Variants in STK3 observed in about 807,000 individuals in gnomAD.
STK3 encodes the protein serine/threonine-protein kinase 3.
STK3 carries 41 observed loss-of-function variants against 58.0 expected under a neutral mutation model. The ratio of observed to expected loss-of-function variants is 0.71; its 90% confidence interval spans 0.55 to 0.92. The LOEUF is 0.92. STK3 is among the 40% of genes least tolerant of loss of function. STK3 has a pLI of 0.00. For synonymous variants in STK3, 170 were observed against 191.0 expected, an observed-to-expected ratio of 0.89 and a Z score of 0.91; for missense variants, 479 against 602.7, an observed-to-expected ratio of 0.79 and a Z score of 2.15.
At chr8:98,646,845 A>G (rs193253287) in intron 6 of STK3, among the ~76,000 whole-genome samples, 50 of 152,348 alleles carry the variant, frequency 3.3e-4, no homozygotes, top group Admixed American at 2.9e-3. Flanking sequence ...CCAACCTAAC[A>G]CATGCCACGA....
intron 10 of STK3, among the ~76,000 whole-genome samples, chr8:98,522,819 C>A (rs754532129): frequency 1.3e-5 from 2 of 152,140 alleles, no homozygotes; most frequent in African/African-American, 2.4e-5. Flanking sequence ...TGTGACCTGG[C>A]TTATTTCACT....
intron 3 of STK3, among the ~76,000 whole-genome samples, chr8:98,424,696 G>A (rs1008714374): frequency 3.3e-5 from 5 of 152,232 alleles, no homozygotes; most frequent in Non-Finnish European, 7.3e-5. Flanking sequence ...GATACATGAA[G>A]CAGGGGAGGG....
At chr8:98,363,773 C>T in the STK3 span, among the ~76,000 whole-genome samples, 1 of 152,200 alleles carries the variant, frequency 6.6e-6, no homozygotes, top group African/African-American at 2.4e-5. Flanking sequence ...CTCATCCCTC[C>T]CTGACTTGAG....
intron 1 of STK3, among the ~76,000 whole-genome samples, chr8:98,820,239 T>C (rs1564032037): frequency 6.6e-6 from 1 of 152,188 alleles, no homozygotes; most frequent in Non-Finnish European, 1.5e-5. Context: ...CCTTTCACAC[T>C]ATTAAAAATA....
At chr8:98,692,470 G>C (rs1824481650) in intron 6 of STK3, among the ~76,000 whole-genome samples, 1 of 151,988 alleles carries the variant, frequency 6.6e-6, no homozygotes, top group Non-Finnish European at 1.5e-5. Flanking sequence ...ACACACAAAA[G>C]AACAAATATT....
intron 10 of STK3, among the ~76,000 whole-genome samples, chr8:98,479,779 C>T (rs556096252): frequency 2.6e-5 from 4 of 152,208 alleles, no homozygotes; most frequent in Admixed American, 6.5e-5. Flanking sequence ...AACCTTGATA[C>T]GACCCAGATA....
chr8:98,638,064 T>C (rs1819752276), intron 6 of STK3, among the ~76,000 whole-genome samples: 1 of 152,182 alleles, frequency 6.6e-6, no homozygotes, highest in Non-Finnish European at 1.5e-5. Context: ...AACTCTCTGC[T>C]AATTTTTTTT....
At chr8:98,925,704 T>C (rs1839763226) in intron 1 of STK3, among the ~76,000 whole-genome samples, 1 of 152,174 alleles carries the variant, frequency 6.6e-6, no homozygotes, top group South Asian at 2.1e-4. Context: ...TTGCTGTGAA[T>C]GCAATCTCTA....
At chr8:98,673,785 AAAAG>A (rs1354429103) in intron 6 of STK3, among the ~76,000 whole-genome samples, 2 of 152,246 alleles carry the variant, frequency 1.3e-5, no homozygotes, top group East Asian at 1.9e-4. Context: ...AAATTTTAAA[AAAAG>A]AAATAAAAAA....
chr8:98,861,260 G>A (rs986265128), intron 3 of STK3, among the ~76,000 whole-genome samples: 4 of 151,420 alleles, frequency 2.6e-5, no homozygotes, highest in African/African-American at 7.3e-5. Context: ...AACCTCTCAG[G>A]ACTCACTCTG....
At chr8:98,642,628 T>C (rs903317811) in intron 6 of STK3, among the ~76,000 whole-genome samples, 7 of 152,328 alleles carry the variant, frequency 4.6e-5, no homozygotes, top group Admixed American at 1.3e-4. Flanking sequence ...CTCTACCTGA[T>C]AGCTGCCCAC....
chr8:98,690,912 T>A (rs1362138119), intron 6 of STK3, among the ~76,000 whole-genome samples: 1 of 152,198 alleles, frequency 6.6e-6, no homozygotes, highest in Non-Finnish European at 1.5e-5. Flanking sequence ...TTTGCAGGAA[T>A]GTGGATGCAG....
chr8:98,815,667 C>T (rs553383983), intron 1 of STK3, among the ~76,000 whole-genome samples: 14 of 151,936 alleles, frequency 9.2e-5, no homozygotes, highest in Admixed American at 6.6e-4. Context: ...CTCATAATGG[C>T]ATTTAAAAGA....
intron 3 of STK3, among the ~76,000 whole-genome samples, chr8:98,753,278 A>G: frequency 6.6e-6 from 1 of 152,230 alleles, no homozygotes; most frequent in Non-Finnish European, 1.5e-5. Flanking sequence ...ACACAATGGA[A>G]TACTATGCAG....
At chr8:98,630,263 A>G (rs1162123850) in intron 6 of STK3, among the ~76,000 whole-genome samples, 1 of 152,216 alleles carries the variant, frequency 6.6e-6, no homozygotes, top group East Asian at 1.9e-4. Flanking sequence ...TTTGAATAAT[A>G]ATATAAACCA....
intron 3 of STK3, among the ~76,000 whole-genome samples, chr8:98,756,471 G>A (rs932871653): frequency 1.3e-5 from 2 of 151,964 alleles, no homozygotes; most frequent in Non-Finnish European, 2.9e-5. Context: ...TCAAAACCAA[G>A]GTAAAGAGAC....
chr8:98,672,224 A>G (rs1822882872), intron 6 of STK3, among the ~76,000 whole-genome samples: 2 of 148,522 alleles, frequency 1.3e-5, no homozygotes, highest in Admixed American at 1.4e-4. Flanking sequence ...TAGACCCAGC[A>G]CTTTGGAAGG....
intron 1 of STK3, among the ~76,000 whole-genome samples, chr8:98,915,978 C>G (rs1233688400): frequency 6.6e-6 from 1 of 152,182 alleles, no homozygotes; most frequent in Non-Finnish European, 1.5e-5. Flanking sequence ...AGCAGATTCA[C>G]CAACTTCTGC....
chr8:98,598,573 C>G, intron 6 of STK3: 1 of 985,314 alleles, frequency 1.0e-6, no homozygotes, highest in Non-Finnish European at 1.2e-6. Context: ...AATAATGAAC[C>G]ACAGAGGATC....
Sources: gnomAD v4.1 joint callset for allele counts (sites outside exome capture counted in the v4.1 genomes callset) on GRCh38, gnomAD v4.1.1 for gene constraint, MANE v1.5 for transcripts, NCBI Gene and HGNC (gene_info 2026-07-23, HGNC 2026-07-21) for gene names.